The following ARHGEF38 variants were observed in gnomAD, a reference collection of about 807,000 sequenced individuals.
The protein encoded by ARHGEF38 is Rho guanine nucleotide exchange factor (GEF) 38.
In ARHGEF38, 79 loss-of-function variants were observed where a neutral mutation model predicts 79.9. The ratio of observed to expected loss-of-function variants is 0.99; its 90% CI spans 0.82 to 1.19. ARHGEF38 has a LOEUF of 1.19. Ranked by LOEUF, ARHGEF38 falls within the 50% of genes most tolerant of loss-of-function variation. ARHGEF38 has a pLI of 0.00. For missense variants in ARHGEF38, 962 were observed against 907.2 expected (o/e 1.06, Z -0.78); for synonymous variants, 366 against 328.3 (o/e 1.11, Z -1.24).
At chr4:105,578,097 T>C (rs1393970947) in intron 1 of ARHGEF38, among the ~76,000 whole-genome samples, 3 of 152,302 alleles carry the variant, frequency 2.0e-5, no homozygotes, top group Admixed American at 6.5e-5. Flanking sequence ...CCTTTTGCTG[T>C]ATCCCAGGGC....
At chr4:105,650,339 C>A (rs1364805558) in intron 7 of ARHGEF38, among the ~76,000 whole-genome samples, 1 of 152,136 alleles carries the variant, frequency 6.6e-6, no homozygotes, top group Non-Finnish European at 1.5e-5. Flanking sequence ...ATATGCAAAC[C>A]AATCAATCTT....
At chr4:105,576,584 G>T (rs1250342469) in intron 1 of ARHGEF38, among the ~76,000 whole-genome samples, 1 of 151,946 alleles carries the variant, frequency 6.6e-6, no homozygotes, top group Non-Finnish European at 1.5e-5. Flanking sequence ...GGAAAATTTA[G>T]GGTTTCCTAA....
chr4:105,615,671 A>G (rs1728483679), intron 3 of ARHGEF38, among the ~76,000 whole-genome samples: 1 of 152,202 alleles, frequency 6.6e-6, no homozygotes, highest in Non-Finnish European at 1.5e-5. Context: ...AAGAGGTTTT[A>G]TAAGACCTTT....
At chr4:105,595,113 C>A (rs749414483) in intron 2 of ARHGEF38, among the ~76,000 whole-genome samples, 2 of 152,058 alleles carry the variant, frequency 1.3e-5, no homozygotes, top group Non-Finnish European at 2.9e-5. Flanking sequence ...CTAAAATTCA[C>A]ATAGTGCAAA....
In ARHGEF38 at chr4:105,675,520, T is replaced by A. The variant is rs921971037; in HGVS notation, c.2149-2232T>A. Among the ~76,000 whole-genome samples, 3 of 152,238 alleles carry A rather than the reference T, an allele frequency of 2.0e-5. No individual in the cohort carries two copies. In the East Asian group the frequency reaches 5.8e-4, roughly 29 times the overall value. On this transcript the variant is annotated intron_variant, in intron 13 of 13. Transcript: ENST00000420470. The stretch of plus-strand genomic sequence containing the variant: ...ATACAAGATGATGTCTTGTATGATA[T>A]CCATGCCTTTCAATAAATATTTGAA...
At position 105,631,011 on chromosome 4, in the gene ARHGEF38, A is replaced by G. The variant is rs200163297; in HGVS notation, c.622A>G (p.Lys208Glu). The G allele has an allele frequency of 1.9e-6, 3 of 1,613,862 alleles. No individual in the cohort carries two copies. Among genetic ancestry groups the G allele is most frequent in the East Asian group, 4.5e-5 (2 of 44,838 alleles). The change falls in exon 4 of 14, where the codon AAG (lysine) becomes GAG (glutamate). Residue 208 changes from lysine (K) to glutamate (E), a missense_variant. Coordinates refer to ENST00000420470, the MANE Select transcript of ARHGEF38 (RefSeq NM_001242729.2). ...GTCCTATGAAAAGGAAGAAGAGCTG[A>G]AGGAACATTTGAGCCACTGTATCCA... ...LESYEKEEEL[K>E]EHLSHCIQSL...
At position 105,593,380 on chromosome 4, in the gene ARHGEF38, T is replaced by TA. The variant is rs564696501; in HGVS notation, c.384+3954dup. 2.6e-3 allele frequency among the ~76,000 whole-genome samples: 392 copies of TA among 150,472 alleles called. 3 individuals carry two copies. Among genetic ancestry groups the TA allele is most frequent in the South Asian group, 1.5e-3 (7 of 4,718 alleles). ...AGCATAGGGAGACCTCATCCCTATTTAAAAAAAAACAGCCAAGTGTAGTGG... is the reference window on the plus strand; with the variant it reads ...AGCATAGGGAGACCTCATCCCTATTTAAAAAAAAAACAGCCAAGTGTAGTGG... On this transcript the variant is annotated intron_variant, in intron 2 of 13. Transcript: ENST00000420470.
At chr4:105,657,322 A>G (rs1376650908) in intron 9 of ARHGEF38, among the ~76,000 whole-genome samples, 1 of 152,170 alleles carries the variant, frequency 6.6e-6, no homozygotes, top group Non-Finnish European at 1.5e-5. Flanking sequence ...CCTTGCATAA[A>G]ACCACAAGAT....
At chr4:105,617,568 A>G (rs934398738) in intron 3 of ARHGEF38, among the ~76,000 whole-genome samples, 4 of 152,208 alleles carry the variant, frequency 2.6e-5, no homozygotes, top group African/African-American at 9.6e-5. Context: ...GCACCACTTT[A>G]CAAATCAACC....
intron 2 of ARHGEF38, among the ~76,000 whole-genome samples, chr4:105,602,008 T>C (rs899902341): frequency 4.6e-5 from 7 of 152,164 alleles, no homozygotes; most frequent in Non-Finnish European, 1.0e-4. Flanking sequence ...GCTTTATACA[T>C]GAGCAGCAAT....
chr4:105,649,578 AG>A (rs1730013761), intron 7 of ARHGEF38, among the ~76,000 whole-genome samples: 1 of 152,208 alleles, frequency 6.6e-6, no homozygotes, highest in Non-Finnish European at 1.5e-5. Context: ...TATACTATCT[AG>A]TCCTTATTTT....
At chr4:105,619,241 A>G (rs1053223723) in intron 3 of ARHGEF38, among the ~76,000 whole-genome samples, 9 of 151,772 alleles carry the variant, frequency 5.9e-5, no homozygotes, top group African/African-American at 2.2e-4. Context: ...GATGTTCTAC[A>G]ACAGCATTAT....
At chr4:105,610,124 G>A (rs958518269) in intron 2 of ARHGEF38, among the ~76,000 whole-genome samples, 4 of 152,032 alleles carry the variant, frequency 2.6e-5, no homozygotes, top group African/African-American at 9.7e-5. Context: ...ACCAAATACG[G>A]CATGTTCTCA....
chr4:105,601,543 G>C (rs188535388), intron 2 of ARHGEF38, among the ~76,000 whole-genome samples: 357 of 152,182 alleles, frequency 2.3e-3, no homozygotes, highest in Non-Finnish European at 4.0e-3. Context: ...GCCAAATAGG[G>C]CTCATTTCCC....
intron 7 of ARHGEF38, among the ~76,000 whole-genome samples, chr4:105,651,318 C>G (rs1225221586): frequency 6.6e-6 from 1 of 152,182 alleles, no homozygotes; most frequent in Non-Finnish European, 1.5e-5. Flanking sequence ...AGATAAATCT[C>G]AAATCAATCA....
intron 2 of ARHGEF38, among the ~76,000 whole-genome samples, chr4:105,601,762 C>G (rs1338339565): frequency 6.6e-6 from 1 of 151,976 alleles, no homozygotes; most frequent in Non-Finnish European, 1.5e-5. Flanking sequence ...ACCAGAAGGC[C>G]CTTCACATGT....
intron 2 of ARHGEF38, among the ~76,000 whole-genome samples, chr4:105,598,013 T>G (rs899908793): frequency 1.3e-5 from 2 of 151,410 alleles, no homozygotes; most frequent in Admixed American, 6.6e-5. Flanking sequence ...ACTTTCCAAT[T>G]TTTTTTTTAA....
chr4:105,655,616 T>C lies in ARHGEF38; in HGVS notation c.1127T>C (p.Leu376Pro). ...CTTGGGTTTCAGGATGCCATGCCCC[T>C]GGCTCTGCAGAGTGTGATGGACCTT... ...CLQHIQDAMP[L>P]ALQSVMDLQE... Residue 376 changes from leucine to proline, a missense_variant, in exon 9 of 14, where the codon CTG becomes CCG. Coordinates refer to ENST00000420470, the MANE Select transcript of ARHGEF38 (RefSeq NM_001242729.2). 6.5e-7 allele frequency: 1 copy of C among 1,535,556 alleles called. No homozygotes were observed. The highest frequency in any genetic ancestry group is 8.7e-7 in the Non-Finnish European group (1 of 1,146,502).
Position 105,680,301 on chromosome 4 carries a change from G to T in ARHGEF38, c.*2364G>T. The T allele has an allele frequency of 3.2e-6, 1 of 312,566 alleles. No homozygotes were observed. The highest frequency in any genetic ancestry group is 6.2e-6 in the Non-Finnish European group (1 of 161,144). 19.4% of individuals were successfully genotyped at this position (312,566 alleles called of 1,614,324 possible). On this transcript the variant is annotated 3_prime_UTR_variant, in exon 14 of 14. Coordinates refer to ENST00000420470, the MANE Select transcript of ARHGEF38 (RefSeq NM_001242729.2). ...GATAGTCACCACATATCTACTAATG[G>T]GATTAAAATGTACAATCCTAAAAGC...
Sources: gnomAD v4.1 joint callset for allele counts (sites outside exome capture counted in the v4.1 genomes callset) on GRCh38, gnomAD v4.1.1 for gene constraint, MANE v1.5 for transcripts, NCBI Gene and HGNC (gene_info 2026-07-23, HGNC 2026-07-21) for gene names.